The following PRR16 variants were observed in gnomAD, a reference collection of about 807,000 sequenced individuals.
PRR16 encodes the protein protein Largen.
In PRR16, 6 loss-of-function variants were observed where a neutral mutation model predicts 18.2. The ratio of observed to expected loss-of-function variants is 0.33; its 90% confidence interval spans 0.18 to 0.65. PRR16 has a LOEUF of 0.65. Among genes scored for constraint, PRR16 ranks in the 30% least tolerant of loss-of-function variants. The probability of loss-of-function intolerance (pLI) is 0.74; values close to 1 mark genes in which losing one functional copy is unlikely to be tolerated. For synonymous variants in PRR16, 151 were observed against 147.8 expected (o/e 1.02, Z -0.16); for missense variants, 412 against 376.6 (o/e 1.09, Z -0.78).
intron 1 of PRR16, among the ~76,000 whole-genome samples, chr5:120,667,770 A>T (rs1291267688): frequency 6.6e-6 from 1 of 151,940 alleles, no homozygotes; most frequent in Non-Finnish European, 1.5e-5. Context: ...CGGTTTTGAG[A>T]GAGTTTCTTA....
chr5:120,574,428 AC>A (rs1169019324), intron 1 of PRR16, among the ~76,000 whole-genome samples: 2 of 151,970 alleles, frequency 1.3e-5, no homozygotes, highest in Non-Finnish European at 2.9e-5. Flanking sequence ...ACATAGCAAA[AC>A]CCTGTCTCTG....
chr5:120,516,423 CAAAAAA>C (rs531146634), intron 1 of PRR16, among the ~76,000 whole-genome samples: 572 of 52,630 alleles, frequency 0.011, 7 homozygotes, highest in African/African-American at 0.026. Flanking sequence ...GATTATGTCT[CAAAAAA>C]AAAAAAAAAA....
At chr5:120,632,889 A>G (rs1421092265) in intron 1 of PRR16, among the ~76,000 whole-genome samples, 1 of 152,176 alleles carries the variant, frequency 6.6e-6, no homozygotes, top group African/African-American at 2.4e-5. Flanking sequence ...AACACCTGGG[A>G]AATTCATTGT....
At chr5:120,561,884 C>T (rs1313153278) in intron 1 of PRR16, among the ~76,000 whole-genome samples, 1 of 152,166 alleles carries the variant, frequency 6.6e-6, no homozygotes, top group East Asian at 1.9e-4. Context: ...TGTGAGGCCT[C>T]CCTAGCCAAG....
At chr5:120,645,190 GTAAA>G (rs1755547383) in intron 1 of PRR16, among the ~76,000 whole-genome samples, 1 of 152,046 alleles carries the variant, frequency 6.6e-6, no homozygotes, top group Admixed American at 6.6e-5. Context: ...GAAAAATTGA[GTAAA>G]TACTTTCTTC....
chr5:120,617,258 C>T, intron 1 of PRR16: 1 of 723,872 alleles, frequency 1.4e-6, no homozygotes, highest in Non-Finnish European at 1.7e-6. Flanking sequence ...TTCTAAGAAA[C>T]ATGCAAACCA....
At chr5:120,582,058 G>C (rs1253282509) in intron 1 of PRR16, among the ~76,000 whole-genome samples, 2 of 152,066 alleles carry the variant, frequency 1.3e-5, no homozygotes, top group African/African-American at 4.8e-5. Context: ...ACCAACCTAA[G>C]TATACATCAA....
At chr5:120,758,316 T>G in the PRR16 span, among the ~76,000 whole-genome samples, 1 of 151,916 alleles carries the variant, frequency 6.6e-6, no homozygotes, top group African/African-American at 2.4e-5. Context: ...GACTTATTGT[T>G]GCTGGGCTCT....
intron 1 of PRR16, among the ~76,000 whole-genome samples, chr5:120,591,396 C>A (rs1753631502): frequency 6.6e-6 from 1 of 151,992 alleles, no homozygotes; most frequent in Non-Finnish European, 1.5e-5. Flanking sequence ...ATATATCCCT[C>A]TTTCTTCATT....
chr5:120,760,810 T>G, the PRR16 span, among the ~76,000 whole-genome samples: 1 of 152,100 alleles, frequency 6.6e-6, no homozygotes, highest in Non-Finnish European at 1.5e-5. Flanking sequence ...CTCTGAAGTT[T>G]GATATACATT....
At chr5:120,730,516 C>T in the PRR16 span, among the ~76,000 whole-genome samples, 1 of 152,032 alleles carries the variant, frequency 6.6e-6, no homozygotes, top group Non-Finnish European at 1.5e-5. Flanking sequence ...TAAAAATTAA[C>T]CAGTGAAGGT....
the PRR16 span, among the ~76,000 whole-genome samples, chr5:120,773,394 T>C: frequency 6.6e-6 from 1 of 152,156 alleles, no homozygotes; most frequent in South Asian, 2.1e-4. Flanking sequence ...ATACTAACTG[T>C]TTAAAATGGC....
the PRR16 span, among the ~76,000 whole-genome samples, chr5:120,722,299 A>G: frequency 7.9e-5 from 12 of 152,190 alleles, no homozygotes; most frequent in East Asian, 1.7e-3. Flanking sequence ...CTCTGATACT[A>G]TCGTTCTGTA....
chr5:120,491,398 C>G (rs1185401406), intron 1 of PRR16, among the ~76,000 whole-genome samples: 6 of 149,694 alleles, frequency 4.0e-5, no homozygotes, highest in African/African-American at 1.3e-4. Context: ...AACTTAGGTA[C>G]AAGATCTAAA....
intron 1 of PRR16, among the ~76,000 whole-genome samples, chr5:120,613,678 T>C (rs1159591234): frequency 6.6e-6 from 1 of 152,208 alleles, no homozygotes; most frequent in Non-Finnish European, 1.5e-5. Context: ...AACAGCATAC[T>C]TATATTCTAG....
the PRR16 span, among the ~76,000 whole-genome samples, chr5:120,726,244 T>G: frequency 3.9e-5 from 6 of 152,094 alleles, no homozygotes; most frequent in African/African-American, 1.2e-4. Context: ...GCAAAGATTA[T>G]ATCCTTTGGA....
the PRR16 span, among the ~76,000 whole-genome samples, chr5:120,694,002 C>A: frequency 6.6e-6 from 1 of 152,202 alleles, no homozygotes; most frequent in Non-Finnish European, 1.5e-5. Context: ...TCTATTACCA[C>A]CCAGTTTCCT....
chr5:120,649,923 G>A (rs1226047674), intron 1 of PRR16, among the ~76,000 whole-genome samples: 1 of 151,892 alleles, frequency 6.6e-6, no homozygotes, highest in Admixed American at 6.6e-5. Flanking sequence ...TATTAACTCT[G>A]AATATTATAT....
chr5:120,501,922 C>G (rs1356548180), intron 1 of PRR16, among the ~76,000 whole-genome samples: 1 of 137,424 alleles, frequency 7.3e-6, no homozygotes, highest in Non-Finnish European at 1.5e-5. Flanking sequence ...CGCCACTGCA[C>G]TCCAGCCTGG....
Sources: allele counts gnomAD v4.1 joint callset (sites outside exome capture counted in the v4.1 genomes callset), GRCh38; gene constraint gnomAD v4.1.1; transcripts MANE v1.5; gene names NCBI Gene and HGNC (gene_info 2026-07-23, HGNC 2026-07-21).